The following XRN1 variants were observed in gnomAD, a reference collection of about 807,000 sequenced individuals.
XRN1 encodes 5'-3' exoribonuclease 1.
Under a neutral mutation model 222.3 loss-of-function variants are expected in XRN1, and 67 were observed. The ratio of observed to expected loss-of-function variants is 0.30; its 90% confidence interval spans 0.25 to 0.37. The LOEUF (loss-of-function observed/expected upper bound fraction) is 0.37, where lower values mean the gene tolerates loss of function less well. XRN1 is among the 10% of genes least tolerant of loss of function. The pLI, the probability that XRN1 is intolerant of heterozygous loss-of-function variation, is 1.00. For missense variants in XRN1, 1,707 were observed against 2,000.2 expected, an observed-to-expected ratio of 0.85 and a Z score of 2.80; for synonymous variants, 643 against 652.4, an observed-to-expected ratio of 0.99 and a Z score of 0.22.
At chr3:142,394,853 A>G (rs2067870790) in intron 20 of XRN1, among the ~76,000 whole-genome samples, 2 of 152,234 alleles carry the variant, frequency 1.3e-5, no homozygotes, top group African/African-American at 2.4e-5. Context: ...TTACACAGGT[A>G]TACAGAAATT....
chr3:142,348,187 T>G (rs2066203024), intron 32 of XRN1, among the ~76,000 whole-genome samples: 1 of 152,134 alleles, frequency 6.6e-6, no homozygotes, highest in South Asian at 2.1e-4. Context: ...TGGTTAAACT[T>G]TTCCATTAAA....
chr3:142,391,749 A>AAAAAAT (rs1553733834), intron 20 of XRN1, among the ~76,000 whole-genome samples: 1 of 103,462 alleles, frequency 9.7e-6, no homozygotes, highest in African/African-American at 3.6e-5. Context: ...AAAAAAAAAA[A>AAAAAAT]ATATATATAT....
chr3:142,368,593 A>G (rs2066891685), intron 27 of XRN1, among the ~76,000 whole-genome samples: 1 of 152,248 alleles, frequency 6.6e-6, no homozygotes, highest in Non-Finnish European at 1.5e-5. Context: ...GGGGGGCTTA[A>G]GGTTTTAAAC....
At chr3:142,415,988 AT>A (rs1431265415) in intron 13 of XRN1, among the ~76,000 whole-genome samples, 1 of 152,108 alleles carries the variant, frequency 6.6e-6, no homozygotes. Context: ...AGGCTGAGGT[AT>A]GATAATTGCT....
At chr3:142,323,720 G>A (rs1482869654) in intron 37 of XRN1, among the ~76,000 whole-genome samples, 1 of 152,064 alleles carries the variant, frequency 6.6e-6, no homozygotes, top group Non-Finnish European at 1.5e-5. Flanking sequence ...GCATGTGCCT[G>A]TAATCCTAGC....
At chr3:142,343,177 C>T (rs2066044792) in intron 33 of XRN1, among the ~76,000 whole-genome samples, 2 of 152,070 alleles carry the variant, frequency 1.3e-5, no homozygotes, top group African/African-American at 4.8e-5. Context: ...TGAAAAGGTG[C>T]TCAGCCAGGC....
At chr3:142,442,969 G>A (rs927081997) in intron 1 of XRN1, among the ~76,000 whole-genome samples, 1 of 152,058 alleles carries the variant, frequency 6.6e-6, no homozygotes, top group Admixed American at 6.5e-5. Context: ...TCCTGACCTC[G>A]TGATCCACCC....
chr3:142,432,166 A>G (rs56314040), intron 2 of XRN1, among the ~76,000 whole-genome samples: 1 of 115,664 alleles, frequency 8.6e-6, no homozygotes, highest in Admixed American at 9.4e-5. Context: ...TTTATATATA[A>G]ATATATAAAA....
chr3:142,442,507 C>A (rs756171440), intron 1 of XRN1, among the ~76,000 whole-genome samples: 6 of 152,154 alleles, frequency 3.9e-5, no homozygotes, highest in Admixed American at 3.3e-4. Flanking sequence ...GGATGGCTAG[C>A]CACCGAAGAA....
chr3:142,378,206 C>T (rs1207330971), intron 23 of XRN1, among the ~76,000 whole-genome samples: 1 of 152,156 alleles, frequency 6.6e-6, no homozygotes, highest in Non-Finnish European at 1.5e-5. Context: ...AGGAAAGCCA[C>T]TGGAAATTTT....
chr3:142,396,839 CT>C (rs2108001882), intron 20 of XRN1, among the ~76,000 whole-genome samples: 1 of 152,252 alleles, frequency 6.6e-6, no homozygotes, highest in East Asian at 1.9e-4. Context: ...ACAAAACACT[CT>C]GGTGATCCTG....
chr3:142,365,544 C>A (rs2066788165), intron 27 of XRN1, among the ~76,000 whole-genome samples, 178 bp from the exon 28 acceptor site: 1 of 152,086 alleles, frequency 6.6e-6, no homozygotes, highest in East Asian at 1.9e-4. Flanking sequence ...ATGCCTATAG[C>A]CTAAATCATT....
At chr3:142,399,336 A>G (rs2068043983) in intron 19 of XRN1, among the ~76,000 whole-genome samples, 1 of 152,078 alleles carries the variant, frequency 6.6e-6, no homozygotes, top group Admixed American at 6.5e-5. Context: ...AAAAACAGAC[A>G]TGGAGGAAGC....
intron 34 of XRN1, among the ~76,000 whole-genome samples, chr3:142,334,159 T>A (rs2065781763): frequency 6.6e-6 from 1 of 152,186 alleles, no homozygotes; most frequent in Non-Finnish European, 1.5e-5. Context: ...TCCATGGGCT[T>A]CACCAAAGAT....
At chr3:142,377,906 C>T (rs1369672369) in intron 23 of XRN1, among the ~76,000 whole-genome samples, 1 of 152,144 alleles carries the variant, frequency 6.6e-6, no homozygotes, top group Non-Finnish European at 1.5e-5. Flanking sequence ...AGCCACTCTC[C>T]TGGTTTCATG....
In XRN1 at chr3:142,421,156, G is replaced by A; in HGVS notation, c.1036-3C>T. 1 of 1,564,132 alleles carries A rather than the reference G, an allele frequency of 6.4e-7. No individual in the cohort carries two copies. The highest frequency in any genetic ancestry group is 8.6e-7 in the Non-Finnish European group (1 of 1,161,974). On this transcript the variant is annotated splice_polypyrimidine_tract_variant and splice_region_variant and intron_variant, in intron 9 of 40. Coordinates refer to ENST00000392981, the MANE Select transcript of XRN1 (RefSeq NM_001282857.2). ...TCACTGAAGTGCTCCCGATCAAACTGTACAGAAATATTTAAATTTATTTTT... is the reference window on the plus strand; with the variant it reads ...TCACTGAAGTGCTCCCGATCAAACTATACAGAAATATTTAAATTTATTTTT...
intron 36 of XRN1, among the ~76,000 whole-genome samples, chr3:142,330,032 A>C (rs1373199559): frequency 6.6e-6 from 1 of 152,248 alleles, no homozygotes; most frequent in Non-Finnish European, 1.5e-5. Context: ...TAATTGATTA[A>C]TGATAAATTA....
At chr3:142,352,888 T>C (rs1439125875) in intron 32 of XRN1, among the ~76,000 whole-genome samples, 2 of 152,096 alleles carry the variant, frequency 1.3e-5, no homozygotes, top group Non-Finnish European at 2.9e-5. Context: ...AAGTAATCCT[T>C]CGGCCTTGGC....
At chr3:142,332,303 C>T (rs1309311135) in intron 36 of XRN1, 72 bp downstream of exon 36, 5 of 1,152,742 alleles carry the variant, frequency 4.3e-6, no homozygotes, top group Non-Finnish European at 6.1e-6. Flanking sequence ...TTTAAAAGTA[C>T]ATGATTAAAA....
Sources: allele counts gnomAD v4.1 joint callset (sites outside exome capture counted in the v4.1 genomes callset), GRCh38; gene constraint gnomAD v4.1.1; transcripts MANE v1.5; gene names NCBI Gene and HGNC (gene_info 2026-07-23, HGNC 2026-07-21).